Variants in SUPT6H observed in about 807,000 individuals in gnomAD.
SUPT6H encodes the protein transcription elongation factor SPT6.
A neutral mutation model predicts 222.3 loss-of-function variants in SUPT6H; 11 were observed. The observed-to-expected ratio is 0.05, with a 90% CI of 0.03 to 0.08. The LOEUF is 0.08. Among genes scored for constraint, SUPT6H ranks in the 10% least tolerant of loss-of-function variants. The pLI is 1.00. For synonymous variants in SUPT6H, 762 were observed against 801.2 expected (o/e 0.95, Z 0.83); for missense variants, 1,422 against 2,216.0 (o/e 0.64, Z 7.19).
At chr17:28,663,978 A>G (rs1228159545) in intron 1 of SUPT6H, among the ~76,000 whole-genome samples, 3 of 150,898 alleles carry the variant, frequency 2.0e-5, no homozygotes, top group Non-Finnish European at 4.4e-5. Context: ...CACCACATCT[A>G]CTTTGCCCAC....
At chr17:28,678,287 C>T (rs528920705) in intron 9 of SUPT6H, 95 bp downstream of exon 9, 26 of 1,129,854 alleles carry the variant, frequency 2.3e-5, no homozygotes, top group African/African-American at 7.8e-5. Flanking sequence ...GCCCCCTTCC[C>T]GTATCCCCTA....
rs1290074818 is a variant in SUPT6H at position 28,678,933 on chromosome 17, T to C, written c.1319T>C (p.Ile440Thr). The C allele has an allele frequency of 1.9e-5, 30 of 1,614,086 alleles. No homozygotes were observed. The highest frequency in any genetic ancestry group is 2.0e-5 in the Non-Finnish European group (24 of 1,180,054). The change falls in exon 11 of 37, where the codon ATC (isoleucine) becomes ACC (threonine). Residue 440 changes from isoleucine to threonine, a missense_variant. Physicochemically the swap from Ile to Thr is moderately conservative, Grantham distance 89. This residue lies in a region of SUPT6H where 389 missense variants were observed against 544.6 expected (regional missense o/e 0.71). Transcript: ENST00000314616. ...CCTGACAAACCTCTTGCTGATGGCA[T>C]CCGGGCTCTGGACACCACTGACATG... The part of the protein sequence containing the change: ...ADPDKPLADG[I>T]RALDTTDMER...
chr17:28,686,596 T>C, intron 20 of SUPT6H, 58 bp from the exon 21 acceptor site: 1 of 1,549,004 alleles, frequency 6.5e-7, no homozygotes, highest in Non-Finnish European at 8.7e-7. Flanking sequence ...CCCAAGGCAG[T>C]CATGAGACTG....
At chr17:28,689,285 G>C in intron 24 of SUPT6H, 69 bp from the exon 25 acceptor site, 1 of 1,460,280 alleles carries the variant, frequency 6.8e-7, no homozygotes, top group Non-Finnish European at 9.5e-7. Context: ...GTTCCCCATT[G>C]GTGGACATTT....
chr17:28,680,578 A>G (rs1307836666), intron 11 of SUPT6H, among the ~76,000 whole-genome samples: 1 of 152,136 alleles, frequency 6.6e-6, no homozygotes, highest in Non-Finnish European at 1.5e-5. Flanking sequence ...CTGGGTGACA[A>G]GAGCAAGACT....
Position 28,697,819 on chromosome 17 carries a change from G to A in SUPT6H, c.4323+86G>A. The stretch of plus-strand genomic sequence containing the variant: ...CTTCAGTATAGGGGACACTCAGGCG[G>A]TGAAGGAAGTGTACATCATGTGTGC... On this transcript the variant is annotated intron_variant, in intron 31 of 36. Coordinates refer to ENST00000314616, the MANE Select transcript of SUPT6H (RefSeq NM_003170.5). 5 of 1,605,632 alleles carry A rather than the reference G, an allele frequency of 3.1e-6. No homozygotes were observed. In the South Asian group the frequency reaches 5.5e-5, roughly 18 times the overall value.
chr17:28,697,770 A>C, intron 31 of SUPT6H, 37 bp downstream of exon 31: 3 of 1,611,528 alleles, frequency 1.9e-6, no homozygotes, highest in Non-Finnish European at 2.5e-6. Flanking sequence ...ACACTTGCCA[A>C]TCACTTAAGG....
chr17:28,692,231 G>A (rs967208414), intron 27 of SUPT6H, among the ~76,000 whole-genome samples: 25 of 151,258 alleles, frequency 1.7e-4, no homozygotes, highest in Admixed American at 7.9e-4. Context: ...GGCTGAGGCA[G>A]GAGAATGGTG....
At chr17:28,663,881 A>G (rs1396753961) in intron 1 of SUPT6H, among the ~76,000 whole-genome samples, 3 of 84,362 alleles carry the variant, frequency 3.6e-5, no homozygotes. Flanking sequence ...CCCAGGTTGG[A>G]GTGCAGTGGC....
chr17:28,667,140 C>T (rs891671119), intron 1 of SUPT6H, among the ~76,000 whole-genome samples: 3 of 149,438 alleles, frequency 2.0e-5, no homozygotes, highest in Admixed American at 1.3e-4. Context: ...CTGAGACGGG[C>T]GGATCACAAG....
At chr17:28,694,082 C>G (rs954790555) in intron 28 of SUPT6H, among the ~76,000 whole-genome samples, 13 of 152,256 alleles carry the variant, frequency 8.5e-5, no homozygotes, top group South Asian at 4.1e-4. Flanking sequence ...GGAGAGGGCT[C>G]TTCCTGTGTG....
At chr17:28,700,571 G>A (rs545110520) in intron 35 of SUPT6H, 59 bp downstream of exon 35, 14 of 1,572,904 alleles carry the variant, frequency 8.9e-6, no homozygotes, top group East Asian at 6.7e-5. Context: ...CTGCCCTCTC[G>A]CATTGCCCAC....
chr17:28,697,673 C>A lies in SUPT6H; in HGVS notation c.4263C>A (p.Ser1421=). 3.1e-6 allele frequency: 5 copies of A among 1,614,250 alleles called. No homozygotes were observed. Among genetic ancestry groups the A allele is most frequent in the Non-Finnish European group, 4.2e-6 (5 of 1,180,050 alleles). ...CTCGCTATGTCCAGCCCATGGCATC[C>A]TTTGCCCGGGACCTTCTGAATCACA... ...IVARYVQPMA[S]FARDLLNHKY... Residue 1421 remains serine (S), a synonymous_variant, in exon 31 of 37, where the codon TCC becomes TCA. Coordinates refer to ENST00000314616, the MANE Select transcript of SUPT6H (RefSeq NM_003170.5).
At chr17:28,681,757 A>C in intron 12 of SUPT6H, 125 bp from the exon 13 acceptor site, 1 of 763,312 alleles carries the variant, frequency 1.3e-6, no homozygotes, top group Non-Finnish European at 2.1e-6. Flanking sequence ...AGGAGACTTG[A>C]CAGCCCATGG....
Position 28,695,484 on chromosome 17 carries a change from T to A in SUPT6H, c.3907T>A (p.Phe1303Ile). Residue 1303 changes from phenylalanine to isoleucine, a missense_variant, in exon 29 of 37, where the codon TTT becomes ATT. Transcript: ENST00000314616. ...GCTGCCCAAAGACACCTACTATGACTTTGATGCTGAAGCTGCAGACCACAA... is the reference window on the plus strand; with the variant it reads ...GCTGCCCAAAGACACCTACTATGACATTGATGCTGAAGCTGCAGACCACAA... ...WKLPKDTYYD[F>I]DAEAADHKQE... 6.2e-7 allele frequency: 1 copy of A among 1,614,064 alleles called. No individual in the cohort carries two copies. Among genetic ancestry groups the A allele is most frequent in the Non-Finnish European group, 8.5e-7 (1 of 1,180,024 alleles).
intron 30 of SUPT6H, 71 bp from the exon 31 acceptor site, chr17:28,697,549 C>T (rs2031977965): frequency 1.5e-6 from 2 of 1,323,798 alleles, no homozygotes; most frequent in Non-Finnish European, 2.1e-6. Context: ...CATGGTTTTT[C>T]TTCTGGATGG....
intron 27 of SUPT6H, among the ~76,000 whole-genome samples, chr17:28,692,878 G>C (rs1227449268): frequency 6.8e-6 from 1 of 147,476 alleles, no homozygotes; most frequent in Non-Finnish European, 1.5e-5. Context: ...GCGGGCGCTT[G>C]TAGTCCCAGC....
chr17:28,681,653 C>T (rs2031107884), intron 12 of SUPT6H, among the ~76,000 whole-genome samples: 1 of 149,650 alleles, frequency 6.7e-6, no homozygotes, highest in Non-Finnish European at 1.5e-5. Flanking sequence ...GCAGTTGTTG[C>T]AGTGAGTTGA....
At chr17:28,677,965 A>C in intron 8 of SUPT6H, 111 bp from the exon 9 acceptor site, 1 of 1,372,326 alleles carries the variant, frequency 7.3e-7, no homozygotes, top group Admixed American at 1.9e-5. Context: ...TATATGAGAA[A>C]AATTTTTTAG....
Sources: allele counts gnomAD v4.1 joint callset (sites outside exome capture counted in the v4.1 genomes callset), GRCh38; gene constraint gnomAD v4.1.1; regional missense constraint gnomAD v4.1.1; transcripts MANE v1.5; gene names NCBI Gene and HGNC (gene_info 2026-07-23, HGNC 2026-07-21).